CR2: variants seen among roughly 807,000 people sequenced by gnomAD.
CR2 encodes complement receptor type 2.
CR2 carries 96 observed loss-of-function variants against 123.0 expected under a neutral mutation model. That is an observed-to-expected ratio of 0.78 (90% CI 0.66 to 0.93). The LOEUF (loss-of-function observed/expected upper bound fraction) is 0.93, where lower values mean the gene tolerates loss of function less well. CR2 is among the 40% of genes least tolerant of loss of function. The pLI, the probability that CR2 is intolerant of heterozygous loss-of-function variation, is 0.00. For missense variants in CR2, 1,258 were observed against 1,361.0 expected (o/e 0.92, Z 1.19); for synonymous variants, 484 against 469.5 (o/e 1.03, Z -0.40).
Position 207,469,983 on chromosome 1 carries a change from A to G in CR2, c.1106A>G (p.Tyr369Cys), listed in dbSNP as rs1317455133. Residue 369 changes from tyrosine to cysteine, a missense_variant, in exon 6 of 20, where the codon TAT (tyrosine) becomes TGT (cysteine). Tyr to Cys is a radical substitution (Grantham distance 194, BLOSUM62 -2). Transcript: ENST00000367057. The stretch of plus-strand genomic sequence containing the variant: ...ATGGTATCTGGGCAGAAAGATCGAT[A>G]TACCTATAACGACACTGTGATATTT... ...GRMVSGQKDR[Y>C]TYNDTVIFAC... The G allele has an allele frequency of 1.2e-5, 20 of 1,613,880 alleles. No homozygotes were observed. The highest frequency in any genetic ancestry group is 1.6e-4 in the Middle Eastern group (1 of 6,082).
chr1:207,488,990 C>A (rs1250282961), intron 19 of CR2, among the ~76,000 whole-genome samples, 152 bp from the exon 20 acceptor site: 2 of 152,150 alleles, frequency 1.3e-5, no homozygotes, highest in Non-Finnish European at 2.9e-5. Context: ...GAAGAAAGGC[C>A]TTTCAATAGA....
rs1254561025 is a variant in CR2 at position 207,476,365 on chromosome 1, C to T, written c.2848C>T (p.Leu950Phe). 1 of 1,613,998 alleles carries T rather than the reference C, an allele frequency of 6.2e-7. No individual in the cohort carries two copies. Among genetic ancestry groups the T allele is most frequent in the South Asian group, 1.1e-5 (1 of 91,086 alleles). ...DQGYLLVGEA[L>F]LLCTHEGTWS... Reference sequence around the variant, plus strand: ...AGGCTACCTGCTGGTGGGAGAGGCACTCCTTCTTTGCACACATGAGGGAAC... The same window carrying T: ...AGGCTACCTGCTGGTGGGAGAGGCATTCCTTCTTTGCACACATGAGGGAAC... The change falls in exon 15 of 20, where the codon CTC becomes TTC. Residue 950 changes from leucine to phenylalanine, a missense_variant. Physicochemically the swap from Leu to Phe is conservative, Grantham distance 22. Transcript: ENST00000367057.
At chr1:207,480,319 G>A (rs1046590132) in intron 18 of CR2, among the ~76,000 whole-genome samples, 8 of 152,134 alleles carry the variant, frequency 5.3e-5, no homozygotes, top group Non-Finnish European at 8.8e-5. Flanking sequence ...CAGTGGGAAC[G>A]ACTGCAAATA....
chr1:207,455,851 G>A (rs1268586628), intron 1 of CR2, among the ~76,000 whole-genome samples: 3 of 152,152 alleles, frequency 2.0e-5, no homozygotes, highest in Non-Finnish European at 2.9e-5. Flanking sequence ...CTTAACTGGA[G>A]CCCCATGAAA....
At chr1:207,487,033 A>G (rs2182913) in intron 19 of CR2, among the ~76,000 whole-genome samples, 97,581 of 152,096 alleles carry the variant, frequency 0.64, 32,355 homozygotes, top group East Asian at 0.96. Flanking sequence ...AAGATCTCCG[A>G]GAAGTGAAAG....
chr1:207,458,103 T>C (rs780524143), intron 1 of CR2, among the ~76,000 whole-genome samples: 4 of 34,078 alleles, frequency 1.2e-4, no homozygotes, highest in Admixed American at 2.8e-4. Flanking sequence ...CACACACTCC[T>C]TTTTCAGGCT....
At chr1:207,485,654 G>A (rs778630277) in intron 19 of CR2, 82 bp downstream of exon 19, 24 of 795,580 alleles carry the variant, frequency 3.0e-5, no homozygotes, top group Non-Finnish European at 4.8e-5. Context: ...AGCATTCACG[G>A]TGTATATACA....
intron 1 of CR2, among the ~76,000 whole-genome samples, chr1:207,460,720 T>C (rs1657944531): frequency 6.6e-6 from 1 of 152,128 alleles, no homozygotes. Context: ...TGCTATAGTT[T>C]CTTACCTATC....
At chr1:207,467,196 G>T (rs1479566192) in intron 2 of CR2, among the ~76,000 whole-genome samples, 3 of 152,166 alleles carry the variant, frequency 2.0e-5, no homozygotes, top group Non-Finnish European at 2.9e-5. Flanking sequence ...GTCAGAGTTT[G>T]TTGGGGATGT....
intron 19 of CR2, among the ~76,000 whole-genome samples, chr1:207,486,018 G>A (rs142341068): frequency 2.0e-5 from 3 of 151,942 alleles, no homozygotes; most frequent in Non-Finnish European, 4.4e-5. Context: ...ATCATTTGAG[G>A]TCAAGAGTTC....
intron 1 of CR2, among the ~76,000 whole-genome samples, chr1:207,459,601 C>T (rs908193469): frequency 6.6e-6 from 1 of 152,154 alleles, no homozygotes; most frequent in African/African-American, 2.4e-5. Context: ...TATCTCTGTT[C>T]ATTTAACTCA....
intron 19 of CR2, among the ~76,000 whole-genome samples, 199 bp from the exon 20 acceptor site, chr1:207,488,943 T>A (rs575250805): frequency 5.3e-5 from 8 of 152,358 alleles, no homozygotes; most frequent in Non-Finnish European, 1.0e-4. Context: ...TATGAATGTA[T>A]ATAAAATGTA....
At position 207,470,106 on chromosome 1, in the gene CR2, A is replaced by G; in HGVS notation, c.1225+4A>G. ...TCTGCACCAGTCTGTGAAAAGGGTG[A>G]GTGTTCCGGTACTCAGAAAAGGTGC... On this transcript the variant is annotated splice_donor_region_variant and intron_variant, in intron 6 of 19. Coordinates refer to ENST00000367057, the MANE Select transcript of CR2 (RefSeq NM_001006658.3). The G allele has an allele frequency of 6.2e-7, 1 of 1,613,326 alleles. No homozygotes were observed. The highest frequency in any genetic ancestry group is 1.3e-5 in the African/African-American group (1 of 74,990).
rs150570685 is a variant in CR2 at position 207,472,886 on chromosome 1, G to A, written c.1685G>A (p.Arg562Lys). Residue 562 changes from arginine to lysine, a missense_variant, in exon 10 of 20, where the codon AGA becomes AAA. By Grantham distance (26) the Arg-to-Lys change is conservative. Coordinates refer to ENST00000367057, the MANE Select transcript of CR2 (RefSeq NM_001006658.3). ...VTYTCNPGPE[R>K]GVEFSLIGES... is the part of the protein sequence containing the mutation. The stretch of plus-strand genomic sequence containing the variant: ...TACACATGTAACCCTGGGCCAGAAA[G>A]AGGAGTGGAATTCAGCCTCATTGGA... The A allele has an allele frequency of 1.2e-6, 2 of 1,614,054 alleles. No homozygotes were observed. Among genetic ancestry groups the A allele is most frequent in the African/African-American group, 2.7e-5 (2 of 75,036 alleles).
In CR2 at chr1:207,473,670, A is replaced by G; in HGVS notation, c.2104A>G (p.Ile702Val). 1 of 1,614,048 alleles carries G rather than the reference A, an allele frequency of 6.2e-7. No homozygotes were observed. Among genetic ancestry groups the G allele is most frequent in the East Asian group, 2.2e-5 (1 of 44,888 alleles). ...CTATTTGCTTGTGGGAAACAAATCCATTCACTGTATGCCTTCAGGAAATTG... is the reference window on the plus strand; with the variant it reads ...CTATTTGCTTGTGGGAAACAAATCCGTTCACTGTATGCCTTCAGGAAATTG... ...PGYLLVGNKS[I>V]HCMPSGNWSP... Residue 702 changes from isoleucine to valine, a missense_variant, in exon 11 of 20, where the codon ATT (isoleucine) becomes GTT (valine). Physicochemically the swap from Ile to Val is conservative, Grantham distance 29 (BLOSUM62 3). Coordinates refer to ENST00000367057, the MANE Select transcript of CR2 (RefSeq NM_001006658.3).
At position 207,476,355 on chromosome 1, in the gene CR2, G is replaced by A; in HGVS notation, c.2838G>A (p.Val946=). Residue 946 remains valine (V), a synonymous_variant, in exon 15 of 20, where the codon GTG becomes GTA. Coordinates refer to ENST00000367057, the MANE Select transcript of CR2 (RefSeq NM_001006658.3). ...GCTGTGACCAAGGCTACCTGCTGGTGGGAGAGGCACTCCTTCTTTGCACAC... is the reference window on the plus strand; with the variant it reads ...GCTGTGACCAAGGCTACCTGCTGGTAGGAGAGGCACTCCTTCTTTGCACAC... The part of the protein sequence containing the change: ...LYSCDQGYLL[V]GEALLLCTHE... 1.2e-6 allele frequency: 2 copies of A among 1,613,946 alleles called. No individual in the cohort carries two copies.
At chr1:207,469,046 G>A (rs564550690) in intron 4 of CR2, 104 bp from the exon 5 acceptor site, 2 of 1,324,742 alleles carry the variant, frequency 1.5e-6, no homozygotes, top group South Asian at 2.4e-5. Flanking sequence ...AAAAGGAACA[G>A]ATGCACACTG....
At chr1:207,461,361 T>C (rs1392714373) in intron 1 of CR2, among the ~76,000 whole-genome samples, 1 of 152,182 alleles carries the variant, frequency 6.6e-6, no homozygotes, top group African/African-American at 2.4e-5. Context: ...TTTTCTGAAA[T>C]TTTATGAAAA....
At chr1:207,485,169 A>G (rs981883248) in intron 18 of CR2, among the ~76,000 whole-genome samples, 2 of 152,224 alleles carry the variant, frequency 1.3e-5, no homozygotes, top group African/African-American at 4.8e-5. Context: ...GGGAAACATC[A>G]TACACTGGGA....
Sources: gnomAD v4.1 joint callset for allele counts (sites outside exome capture counted in the v4.1 genomes callset) on GRCh38, gnomAD v4.1.1 for gene constraint, MANE v1.5 for transcripts, NCBI Gene and HGNC (gene_info 2026-07-23, HGNC 2026-07-21) for gene names.